The following PTPRM variants were observed in gnomAD, a reference collection of about 807,000 sequenced individuals.
PTPRM encodes the protein receptor-type tyrosine-protein phosphatase mu.
In PTPRM, 47 loss-of-function variants were observed where a neutral mutation model predicts 186.7. The observed-to-expected ratio is 0.25, with a 90% confidence interval of 0.20 to 0.32. PTPRM has a LOEUF of 0.32. PTPRM is among the 10% of genes least tolerant of loss of function. PTPRM has a pLI of 1.00. For missense variants in PTPRM, 1,494 were observed against 1,865.0 expected (o/e 0.80, Z 3.66); for synonymous variants, 668 against 674.9 (o/e 0.99, Z 0.16).
At position 7,847,608 on chromosome 18, in the gene PTPRM, T is replaced by A. The variant is rs144966239; in HGVS notation, c.197-40498T>A. Among the ~76,000 whole-genome samples the A allele has an allele frequency of 3.3e-5, 5 of 152,286 alleles. No homozygotes were observed. In the East Asian group the frequency reaches 9.7e-4, roughly 29 times the overall value. The stretch of plus-strand genomic sequence containing the variant: ...TCTCCCTTTCCAGAGCTCAGCTCAC[T>A]TCTCACTGTGCTGTGGCTTCATTCT... On this transcript the variant is annotated intron_variant, in intron 2 of 32. Transcript: ENST00000580170.
intron 7 of PTPRM, among the ~76,000 whole-genome samples, chr18:7,963,897 G>T (rs953878087): frequency 2.0e-5 from 3 of 152,194 alleles, no homozygotes; most frequent in Non-Finnish European, 2.9e-5. Context: ...TGGTCCTGCA[G>T]CCCCTGACAT....
At chr18:8,238,424 AACG>A (rs1225124615) in intron 14 of PTPRM, among the ~76,000 whole-genome samples, 1 of 144,226 alleles carries the variant, frequency 6.9e-6, no homozygotes, top group Admixed American at 6.9e-5. Context: ...ATTCTGTTAC[AACG>A]TTTTTTGTCT....
chr18:8,275,629 G>A (rs1196525647), intron 19 of PTPRM, among the ~76,000 whole-genome samples: 1 of 152,158 alleles, frequency 6.6e-6, no homozygotes, highest in East Asian at 1.9e-4. Context: ...ATAGGAAACT[G>A]CGGTTTGCTT....
At chr18:8,208,850 G>A (rs1311731570) in intron 14 of PTPRM, among the ~76,000 whole-genome samples, 3 of 152,190 alleles carry the variant, frequency 2.0e-5, no homozygotes, top group African/African-American at 4.8e-5. Flanking sequence ...TAAAGAGGAA[G>A]GAAGCCATGA....
chr18:8,197,282 G>A (rs1053911939), intron 14 of PTPRM, among the ~76,000 whole-genome samples: 1 of 152,054 alleles, frequency 6.6e-6, no homozygotes, highest in Non-Finnish European at 1.5e-5. Context: ...GTTTTTTCAC[G>A]GAAGATAGTG....
intron 3 of PTPRM, among the ~76,000 whole-genome samples, chr18:7,891,481 G>A (rs1323641868): frequency 2.0e-5 from 3 of 151,964 alleles, no homozygotes; most frequent in African/African-American, 7.3e-5. Flanking sequence ...ATAAACACAT[G>A]CTTTTTATAT....
At chr18:7,773,689 G>T (rs1008969762) in intron 1 of PTPRM, among the ~76,000 whole-genome samples, 17 of 151,596 alleles carry the variant, frequency 1.1e-4, no homozygotes, top group African/African-American at 4.1e-4. Context: ...GGGTTCAAGC[G>T]ATTCTCTCAG....
intron 1 of PTPRM, among the ~76,000 whole-genome samples, chr18:7,622,140 G>T (rs73939309): frequency 0.086 from 13,031 of 152,168 alleles, 802 homozygotes; most frequent in South Asian, 0.2. Flanking sequence ...GTCAGTGTTC[G>T]AGATTTTGAC....
intron 1 of PTPRM, among the ~76,000 whole-genome samples, chr18:7,728,464 A>G (rs1294895665): frequency 6.6e-6 from 1 of 152,238 alleles, no homozygotes; most frequent in East Asian, 1.9e-4. Flanking sequence ...CTCCCTGCAT[A>G]AGGCGCAAAT....
intron 11 of PTPRM, among the ~76,000 whole-genome samples, chr18:8,105,422 A>G (rs2145599009): frequency 6.6e-6 from 1 of 152,304 alleles, no homozygotes; most frequent in South Asian, 2.1e-4. Flanking sequence ...TTGGAAACTA[A>G]GTTTGTTCTT....
At chr18:7,997,204 G>C (rs1288168799) in intron 7 of PTPRM, among the ~76,000 whole-genome samples, 3 of 152,032 alleles carry the variant, frequency 2.0e-5, no homozygotes. Flanking sequence ...ATAGACCAAC[G>C]GAACAGAAGA....
At position 8,338,278 on chromosome 18, in the gene PTPRM, T is replaced by TA. The variant is rs537605634; in HGVS notation, c.2957-5140dup. ...GTACCCTAGAACTTAAAGTATAATT[T>TA]AAAAATATATATATATATATGGAAA... On this transcript the variant is annotated intron_variant, in intron 22 of 32. Transcript: ENST00000580170. 4.1e-3 allele frequency among the ~76,000 whole-genome samples: 608 copies of TA among 147,674 alleles called. 5 individuals carry two copies. The highest frequency in any genetic ancestry group is 0.012 in the African/African-American group (492 of 40,146).
chr18:7,979,997 GACACCCCAC>G (rs1284007409), intron 7 of PTPRM, among the ~76,000 whole-genome samples: 1 of 152,126 alleles, frequency 6.6e-6, no homozygotes, highest in Non-Finnish European at 1.5e-5. Context: ...CTGGCTCCTG[GACACCCCAC>G]ATGGATTCCC....
chr18:7,677,516 G>A (rs954090592), intron 1 of PTPRM, among the ~76,000 whole-genome samples: 1 of 152,110 alleles, frequency 6.6e-6, no homozygotes, highest in African/African-American at 2.4e-5. Flanking sequence ...ACCTTCCTTA[G>A]AAGGCCCTTA....
In PTPRM at chr18:8,113,648, G is replaced by A. The variant is rs149158808; in HGVS notation, c.2019G>A (p.Ala673=). Residue 673 remains alanine, a synonymous_variant, in exon 12 of 33, where the codon GCG becomes GCA. Transcript: ENST00000580170. ...TTCCTGCAGACAGCCTCCAAGCTGC[G>A]CAGCCTTTTACAATTGGTGATAATA... is the stretch of plus-strand genomic sequence containing the variant. ...AEFPADSLQA[A]QPFTIGDNKT... 7.0e-3 allele frequency: 11,224 copies of A among 1,613,966 alleles called. 58 individuals are homozygous for A. Among genetic ancestry groups the A allele is most frequent in the South Asian group, 0.011 (972 of 91,078 alleles).
Position 8,088,810 on chromosome 18 carries a change from A to T in PTPRM, c.1815A>T (p.Thr605=), listed in dbSNP as rs1159445575. 6.2e-7 allele frequency: 1 copy of T among 1,613,156 alleles called. No homozygotes were observed. The change falls in exon 11 of 33, where the codon ACA becomes ACT. Residue 605 remains threonine (T), a synonymous_variant. Coordinates refer to ENST00000580170, the MANE Select transcript of PTPRM (RefSeq NM_001105244.2). ...TPLNQTDNTV[T]VMLKPAHSRG... ...TGAATCAAACTGACAATACCGTGAC[A>T]GTCATGCTGAAACCTGCCCACAGCA...
intron 2 of PTPRM, among the ~76,000 whole-genome samples, chr18:7,854,276 A>G (rs890426439): frequency 5.3e-5 from 8 of 152,152 alleles, no homozygotes; most frequent in Non-Finnish European, 1.2e-4. Context: ...TACAAGGGAA[A>G]GAGTTCTCTG....
chr18:8,282,497 T>C (rs1242969530), intron 19 of PTPRM, among the ~76,000 whole-genome samples: 1 of 152,104 alleles, frequency 6.6e-6, no homozygotes, highest in African/African-American at 2.4e-5. Context: ...ACCCTGTCTC[T>C]ACTAAAATAC....
intron 7 of PTPRM, among the ~76,000 whole-genome samples, chr18:8,012,504 A>G (rs1404678245): frequency 6.6e-6 from 1 of 152,202 alleles, no homozygotes; most frequent in African/African-American, 2.4e-5. Context: ...AACACCATAG[A>G]GTGCACATAC....
Sources: gnomAD v4.1 joint callset for allele counts (sites outside exome capture counted in the v4.1 genomes callset) on GRCh38, gnomAD v4.1.1 for gene constraint, MANE v1.5 for transcripts, NCBI Gene and HGNC (gene_info 2026-07-23, HGNC 2026-07-21) for gene names.